KCNIP4: variants seen among roughly 807,000 people sequenced by gnomAD.
KCNIP4 encodes the protein Kv channel-interacting protein 4.
Under a neutral mutation model 34.0 loss-of-function variants are expected in KCNIP4, and 12 were observed. The observed-to-expected ratio is 0.35, with a 90% confidence interval of 0.23 to 0.57. The LOEUF (loss-of-function observed/expected upper bound fraction) is 0.57, where lower values mean the gene tolerates loss of function less well. Ranked by LOEUF, KCNIP4 falls within the 20% of genes least tolerant of loss-of-function variation. The pLI, the probability that KCNIP4 is intolerant of heterozygous loss-of-function variation, is 0.83. For synonymous variants in KCNIP4, 124 were observed against 102.2 expected, an observed-to-expected ratio of 1.21 and a Z score of -1.29; for missense variants, 238 against 311.7, an observed-to-expected ratio of 0.76 and a Z score of 1.78.
chr4:21,510,778 A>G (rs1326927292), intron 1 of KCNIP4, among the ~76,000 whole-genome samples: 1 of 152,118 alleles, frequency 6.6e-6, no homozygotes, highest in East Asian at 1.9e-4. Context: ...GCACTTTGGG[A>G]GGCTGAGGTG....
chr4:21,899,984 A>C (rs1727616957), intron 1 of KCNIP4, among the ~76,000 whole-genome samples: 1 of 152,034 alleles, frequency 6.6e-6, no homozygotes, highest in Non-Finnish European at 1.5e-5. Flanking sequence ...TAAAAAAAAA[A>C]CTGGAGGAAT....
In KCNIP4 at chr4:21,352,351, CAGG is replaced by C. The variant is rs1220944312; in HGVS notation, c.62-469645_62-469643del. 3.3e-5 allele frequency among the ~76,000 whole-genome samples: 5 copies of C among 152,292 alleles called. No individual in the cohort carries two copies. In the East Asian group the frequency reaches 9.7e-4, roughly 30 times the overall value. On this transcript the variant is annotated intron_variant, in intron 1 of 8. Coordinates refer to ENST00000382152, the MANE Select transcript of KCNIP4 (RefSeq NM_025221.6). ...GCCTCACCCAGGAAGTGCAAGGGGT[CAGG>C]AGATTTCCCTTTCCTAGCCAAAGGA...
chr4:20,878,282 T>C (rs1179557497), intron 2 of KCNIP4, among the ~76,000 whole-genome samples: 1 of 152,192 alleles, frequency 6.6e-6, no homozygotes, highest in African/African-American at 2.4e-5. Flanking sequence ...CATGGATTAT[T>C]CCCATGACAA....
chr4:20,949,118 C>G (rs1181143836), intron 1 of KCNIP4, among the ~76,000 whole-genome samples: 3 of 152,166 alleles, frequency 2.0e-5, no homozygotes, highest in Non-Finnish European at 2.9e-5. Context: ...TTCCTCACAG[C>G]TCTTCTGAAT....
intron 1 of KCNIP4, among the ~76,000 whole-genome samples, chr4:21,101,112 G>T (rs1197785610): frequency 6.6e-6 from 1 of 152,028 alleles, no homozygotes; most frequent in Non-Finnish European, 1.5e-5. Flanking sequence ...TCATGCCCCT[G>T]CCATCCTCCC....
intron 1 of KCNIP4, among the ~76,000 whole-genome samples, chr4:21,065,106 G>A (rs1266549500): frequency 6.6e-6 from 1 of 152,142 alleles, no homozygotes; most frequent in Non-Finnish European, 1.5e-5. Flanking sequence ...CCTATGTTTT[G>A]TTTCTCAAGC....
chr4:20,979,267 T>A (rs1188884475), intron 1 of KCNIP4, among the ~76,000 whole-genome samples: 1 of 152,174 alleles, frequency 6.6e-6, no homozygotes, highest in Non-Finnish European at 1.5e-5. Context: ...TAAGAACTTC[T>A]GGAAAAACTG....
intron 1 of KCNIP4, among the ~76,000 whole-genome samples, chr4:21,594,884 C>A (rs115183243): frequency 2.0e-5 from 3 of 151,870 alleles, no homozygotes; most frequent in Admixed American, 6.6e-5. Flanking sequence ...TTGGCACATT[C>A]CATTTGGAAT....
intron 2 of KCNIP4, among the ~76,000 whole-genome samples, chr4:20,858,960 C>G (rs1162620978): frequency 6.6e-6 from 1 of 152,160 alleles, no homozygotes; most frequent in East Asian, 1.9e-4. Context: ...ACACCAAAGA[C>G]CATGAGCTTA....
intron 1 of KCNIP4, among the ~76,000 whole-genome samples, chr4:21,711,866 C>T (rs1011266101): frequency 6.6e-6 from 1 of 152,152 alleles, no homozygotes; most frequent in African/African-American, 2.4e-5. Flanking sequence ...AACTAATCTT[C>T]ACAGGAAACT....
At chr4:20,889,674 T>C (rs1181469141) in intron 1 of KCNIP4, among the ~76,000 whole-genome samples, 1 of 152,018 alleles carries the variant, frequency 6.6e-6, no homozygotes, top group Non-Finnish European at 1.5e-5. Flanking sequence ...TTAAGTTGAT[T>C]ATTTTATTGT....
intron 1 of KCNIP4, among the ~76,000 whole-genome samples, chr4:21,603,022 C>A (rs1332119038): frequency 6.6e-6 from 1 of 152,060 alleles, no homozygotes; most frequent in Non-Finnish European, 1.5e-5. Flanking sequence ...TCCTTTTTGG[C>A]AGTTTTATCC....
At chr4:21,753,073 A>T (rs1388243019) in intron 1 of KCNIP4, among the ~76,000 whole-genome samples, 4 of 152,178 alleles carry the variant, frequency 2.6e-5, no homozygotes, top group African/African-American at 9.6e-5. Context: ...TTTTTCAAGG[A>T]TGTTTGCAAT....
At chr4:21,672,382 A>C (rs942445073) in intron 1 of KCNIP4, among the ~76,000 whole-genome samples, 1 of 145,744 alleles carries the variant, frequency 6.9e-6, no homozygotes, top group Non-Finnish European at 1.5e-5. Context: ...CTGCTGTGAG[A>C]CCATGGGAAA....
intron 1 of KCNIP4, among the ~76,000 whole-genome samples, chr4:21,687,999 T>C (rs1463718082): frequency 2.0e-5 from 3 of 152,184 alleles, no homozygotes; most frequent in African/African-American, 7.2e-5. Context: ...TGGCTCCCTG[T>C]GAGATACTCA....
rs1276016360 is a variant in KCNIP4 at position 21,234,326 on chromosome 4, TATAA to T, written c.62-351621_62-351618del. Among the ~76,000 whole-genome samples the T allele has an allele frequency of 6.5e-4, 64 of 98,040 alleles. 2 individuals are homozygous for T. Among genetic ancestry groups the T allele is most frequent in the African/African-American group, 8.0e-4 (14 of 17,420 alleles). 64.3% of individuals were successfully genotyped at this position (98,040 alleles called of 152,430 possible). A position where few individuals can be genotyped will look rare whatever the true frequency, so the allele number is the denominator to read the frequency against. Reference sequence around the variant, plus strand: ...ACATATATAACATATATATAACATATATAAATTATATATAACATACATTATATAT... The same window carrying T: ...ACATATATAACATATATATAACATATATTATATATAACATACATTATATAT... On this transcript the variant is annotated intron_variant, in intron 1 of 8. Coordinates refer to ENST00000382152, the MANE Select transcript of KCNIP4 (RefSeq NM_025221.6).
At chr4:20,929,637 C>T (rs1271092379) in intron 1 of KCNIP4, among the ~76,000 whole-genome samples, 3 of 151,824 alleles carry the variant, frequency 2.0e-5, no homozygotes, top group Admixed American at 2.0e-4. Context: ...ATGTAGAAAA[C>T]CCTAAAGATT....
At chr4:21,634,223 CA>C (rs376741978) in intron 1 of KCNIP4, among the ~76,000 whole-genome samples, 9,805 of 112,104 alleles carry the variant, frequency 0.087, 234 homozygotes, top group African/African-American at 0.12. Flanking sequence ...GTTCTTTCCT[CA>C]AAAAAAAAAA....
chr4:21,279,772 A>G (rs572296950), intron 1 of KCNIP4, among the ~76,000 whole-genome samples: 10 of 152,150 alleles, frequency 6.6e-5, no homozygotes, highest in Admixed American at 2.6e-4. Flanking sequence ...ACTATAATCT[A>G]TTTGAGCCCT....
Sources: allele counts gnomAD v4.1 joint callset (sites outside exome capture counted in the v4.1 genomes callset), GRCh38; gene constraint gnomAD v4.1.1; transcripts MANE v1.5; gene names NCBI Gene and HGNC (gene_info 2026-07-23, HGNC 2026-07-21).